The following CSMD1 variants were observed in gnomAD, a reference collection of about 807,000 sequenced individuals.
CSMD1 encodes CUB and Sushi multiple domains 1.
In CSMD1, 213 loss-of-function variants were observed where a neutral mutation model predicts 417.5. The observed-to-expected ratio is 0.51, with a 90% CI of 0.46 to 0.57. The LOEUF is 0.57. CSMD1 is among the 20% of genes least tolerant of loss of function. The pLI, the probability that CSMD1 is intolerant of heterozygous loss-of-function variation, is 0.00. For missense variants in CSMD1, 6,923 were observed against 4,529.7 expected (o/e 1.53, Z -15.17); for synonymous variants, 2,862 against 1,736.8 (o/e 1.65, Z -16.11).
intron 3 of CSMD1, among the ~76,000 whole-genome samples, chr8:4,132,994 C>T (rs182286769): frequency 3.9e-5 from 6 of 152,188 alleles, no homozygotes; most frequent in Non-Finnish European, 5.9e-5. Context: ...AGTGCAGTGG[C>T]GCGATCTCGG....
intron 2 of CSMD1, among the ~76,000 whole-genome samples, chr8:4,429,961 G>T (rs982829735): frequency 6.6e-6 from 1 of 152,080 alleles, no homozygotes. Flanking sequence ...GAGGCAAAGG[G>T]GAGAATCCAC....
intron 2 of CSMD1, among the ~76,000 whole-genome samples, chr8:4,608,664 A>G (rs1801007606): frequency 6.6e-6 from 1 of 152,198 alleles, no homozygotes; most frequent in Non-Finnish European, 1.5e-5. Flanking sequence ...TTATTAAGCA[A>G]TGTCCTAAAG....
chr8:4,535,347 G>C (rs964058801), intron 2 of CSMD1, among the ~76,000 whole-genome samples: 7 of 152,040 alleles, frequency 4.6e-5, no homozygotes, highest in African/African-American at 1.4e-4. Context: ...TCTTATTTTA[G>C]TTTATTTATT....
intron 3 of CSMD1, among the ~76,000 whole-genome samples, chr8:4,276,626 A>C (rs941370019): frequency 6.6e-6 from 1 of 152,180 alleles, no homozygotes; most frequent in African/African-American, 2.4e-5. Flanking sequence ...GATACACATA[A>C]TTTTAAGTGA....
At chr8:3,331,120 C>T (rs913422851) in intron 23 of CSMD1, among the ~76,000 whole-genome samples, 4 of 151,870 alleles carry the variant, frequency 2.6e-5, no homozygotes, top group Non-Finnish European at 5.9e-5. Context: ...TGCCTGTAGT[C>T]CCAGCTATTC....
At chr8:4,689,067 A>G (rs1806588611) in intron 1 of CSMD1, among the ~76,000 whole-genome samples, 1 of 152,200 alleles carries the variant, frequency 6.6e-6, no homozygotes, top group Non-Finnish European at 1.5e-5. Context: ...TTTATTCAAG[A>G]GTGAATACAT....
intron 1 of CSMD1, among the ~76,000 whole-genome samples, chr8:4,765,767 T>G (rs1408754482): frequency 6.6e-6 from 1 of 152,170 alleles, no homozygotes. Context: ...TTGGGATAAT[T>G]TCCATAATAG....
intron 1 of CSMD1, among the ~76,000 whole-genome samples, chr8:4,665,569 G>A (rs1804871260): frequency 1.3e-5 from 2 of 152,110 alleles, no homozygotes; most frequent in South Asian, 2.1e-4. Flanking sequence ...TTCCATCTCT[G>A]TAGCTTTGCC....
At chr8:3,807,746 T>G (rs1314513943) in intron 5 of CSMD1, among the ~76,000 whole-genome samples, 1 of 152,136 alleles carries the variant, frequency 6.6e-6, no homozygotes, top group Non-Finnish European at 1.5e-5. Flanking sequence ...GGAATCATCT[T>G]TAGTCATCTA....
chr8:3,679,746 C>T (rs971012514), intron 7 of CSMD1, among the ~76,000 whole-genome samples: 1 of 152,206 alleles, frequency 6.6e-6, no homozygotes, highest in Admixed American at 6.5e-5. Flanking sequence ...TTCTCAGCAT[C>T]ACACCACACT....
At chr8:3,480,191 T>G (rs7017177) in intron 11 of CSMD1, among the ~76,000 whole-genome samples, 1 of 151,978 alleles carries the variant, frequency 6.6e-6, no homozygotes, top group African/African-American at 2.4e-5. Context: ...AAACCCCATC[T>G]TTATTAAAAT....
chr8:3,939,342 T>G (rs1810719102), intron 5 of CSMD1, among the ~76,000 whole-genome samples: 1 of 152,072 alleles, frequency 6.6e-6, no homozygotes, highest in East Asian at 1.9e-4. Flanking sequence ...ATGGTCCTAA[T>G]TAAAAAGTCA....
chr8:3,797,208 A>T (rs549074091), intron 5 of CSMD1, among the ~76,000 whole-genome samples: 2 of 152,034 alleles, frequency 1.3e-5, no homozygotes, highest in African/African-American at 4.8e-5. Flanking sequence ...TCAATCTGAA[A>T]TATCAAAGAA....
intron 68 of CSMD1, among the ~76,000 whole-genome samples, chr8:2,946,401 C>A (rs938164613): frequency 5.3e-5 from 8 of 152,124 alleles, no homozygotes; most frequent in Admixed American, 3.3e-4. Flanking sequence ...TACCTTCATC[C>A]CAACCTTCAA....
chr8:4,956,175 T>C (rs1196038002), intron 1 of CSMD1, among the ~76,000 whole-genome samples: 2 of 152,154 alleles, frequency 1.3e-5, no homozygotes, highest in African/African-American at 4.8e-5. Context: ...TTGTTTCTTT[T>C]CTACTTGGGG....
intron 37 of CSMD1, among the ~76,000 whole-genome samples, chr8:3,173,285 G>A (rs1173237338): frequency 6.6e-6 from 1 of 152,166 alleles, no homozygotes; most frequent in African/African-American, 2.4e-5. Context: ...TATTGTAGAA[G>A]TGACTTCACA....
intron 5 of CSMD1, among the ~76,000 whole-genome samples, chr8:3,797,797 A>G (rs1341859462): frequency 6.6e-6 from 1 of 151,982 alleles, no homozygotes; most frequent in Non-Finnish European, 1.5e-5. Flanking sequence ...CTAGGTTATT[A>G]GGTAGGTATA....
At chr8:3,819,807 A>T (rs934809228) in intron 5 of CSMD1, among the ~76,000 whole-genome samples, 4 of 152,136 alleles carry the variant, frequency 2.6e-5, no homozygotes, top group African/African-American at 7.2e-5. Context: ...GGCCTCCCAA[A>T]GTACTGAGAT....
intron 1 of CSMD1, among the ~76,000 whole-genome samples, chr8:4,638,639 G>C (rs114001081): frequency 6.6e-6 from 1 of 152,166 alleles, no homozygotes; most frequent in East Asian, 1.9e-4. Context: ...AGAGCAGTAA[G>C]TAAGCAGTAA....
Sources: allele counts gnomAD v4.1 joint callset (sites outside exome capture counted in the v4.1 genomes callset), GRCh38; gene constraint gnomAD v4.1.1; transcripts MANE v1.5; gene names NCBI Gene and HGNC (gene_info 2026-07-23, HGNC 2026-07-21).